The following PIK3C2A variants were observed in gnomAD, a reference collection of about 807,000 sequenced individuals.
PIK3C2A encodes phosphatidylinositol 4-phosphate 3-kinase C2 domain-containing subunit alpha.
In PIK3C2A, 97 loss-of-function variants were observed where a neutral mutation model predicts 204.5. That is an observed-to-expected ratio of 0.47 (90% CI 0.40 to 0.56). PIK3C2A has a LOEUF of 0.56. PIK3C2A is among the 20% of genes least tolerant of loss of function. The pLI is 0.00. For synonymous variants in PIK3C2A, 653 were observed against 664.4 expected (o/e 0.98, Z 0.26); for missense variants, 1,735 against 1,969.2 (o/e 0.88, Z 2.25).
chr11:17,188,075 C>T (rs1255586265), intron 1 of PIK3C2A, among the ~76,000 whole-genome samples: 5 of 152,150 alleles, frequency 3.3e-5, no homozygotes, highest in South Asian at 2.1e-4. Context: ...TGGTGGCTCA[C>T]GCCTGTAATC....
At chr11:17,155,269 C>G (rs1444716229) in intron 3 of PIK3C2A, among the ~76,000 whole-genome samples, 2 of 152,052 alleles carry the variant, frequency 1.3e-5, no homozygotes, top group African/African-American at 4.8e-5. Flanking sequence ...ACAGGTAAGT[C>G]ATATTTTTCA....
intron 28 of PIK3C2A, among the ~76,000 whole-genome samples, chr11:17,093,921 G>C (rs564923216): frequency 2.0e-5 from 3 of 152,084 alleles, no homozygotes; most frequent in Non-Finnish European, 4.4e-5. Context: ...ATAAGCTTGT[G>C]AGCCACCACA....
chr11:17,146,972 A>G (rs1432385970), intron 6 of PIK3C2A, among the ~76,000 whole-genome samples: 1 of 152,220 alleles, frequency 6.6e-6, no homozygotes, highest in Non-Finnish European at 1.5e-5. Context: ...AAGTTCATCA[A>G]GGGTTCACGC....
Position 17,122,940 on chromosome 11 carries a change from T to C in PIK3C2A, c.2400-127A>G, listed in dbSNP as rs1246588119. ...AATAAAAAGGATATCTTTAAGAACA[T>C]ATCAGAAGGATTCACTCTCCACATT... On this transcript the variant is annotated intron_variant, in intron 13 of 32. Transcript: ENST00000691414. 3 of 566,584 alleles carry C rather than the reference T, an allele frequency of 5.3e-6. No individual in the cohort carries two copies. The African/African-American group carries it at 5.8e-5, about 11-fold the overall frequency. 35.1% of individuals were successfully genotyped at this position (566,584 alleles called of 1,614,324 possible).
Position 17,114,079 on chromosome 11 carries a change from A to AT in PIK3C2A, c.3321+281_3321+282insA, listed in dbSNP as rs1849089890. On this transcript the variant is annotated intron_variant, in intron 20 of 32. Coordinates refer to ENST00000691414, the MANE Select transcript of PIK3C2A (RefSeq NM_002645.4). ...TGGGCAAGAGTGAGACTTTGTCTCA[A>AT]AAAATAAATAAATAAATAAATAAAT... Among the ~76,000 whole-genome samples the AT allele has an allele frequency of 4.0e-5, 6 of 148,468 alleles. No homozygotes were observed. The South Asian group carries it at 8.6e-4, about 21-fold the overall frequency.
chr11:17,178,092 CAAAAA>C (rs750346823), intron 1 of PIK3C2A, among the ~76,000 whole-genome samples: 2 of 64,134 alleles, frequency 3.1e-5, no homozygotes, highest in Non-Finnish European at 2.6e-5. Context: ...GACTCCATCT[CAAAAA>C]AAAAAAAAAA....
chr11:17,155,487 A>C lies in PIK3C2A; in HGVS notation c.1169+39T>G, dbSNP rs774038172. On this transcript the variant is annotated intron_variant, in intron 3 of 32. Coordinates refer to ENST00000691414, the MANE Select transcript of PIK3C2A (RefSeq NM_002645.4). The stretch of plus-strand genomic sequence containing the variant: ...TTAGCACTAAACTGGTTTTCAAGTG[A>C]ATTTTTCAAATGAACATTTATAAAG... 3 of 1,205,314 alleles carry C rather than the reference A, an allele frequency of 2.5e-6. No homozygotes were observed. In the African/African-American group the frequency reaches 4.5e-5, roughly 18 times the overall value. 74.7% of individuals were successfully genotyped at this position (1,205,314 alleles called of 1,614,324 possible).
intron 6 of PIK3C2A, 22 bp from the exon 7 acceptor site, chr11:17,145,964 A>T (rs1402265085): frequency 6.4e-7 from 1 of 1,550,862 alleles, no homozygotes; most frequent in Non-Finnish European, 8.9e-7. Context: ...CATATACACA[A>T]AAAAATCACA....
At chr11:17,139,492 A>G (rs1188983842) in intron 8 of PIK3C2A, among the ~76,000 whole-genome samples, 1 of 151,154 alleles carries the variant, frequency 6.6e-6, no homozygotes, top group Non-Finnish European at 1.5e-5. Context: ...CTAAAGTGCT[A>G]GGATTACAGG....
chr11:17,098,001 G>C (rs973555791), intron 26 of PIK3C2A, among the ~76,000 whole-genome samples: 2 of 152,178 alleles, frequency 1.3e-5, no homozygotes, highest in African/African-American at 4.8e-5. Context: ...GTAGAATTCA[G>C]TGTCAGACTC....
intron 13 of PIK3C2A, among the ~76,000 whole-genome samples, chr11:17,123,779 C>T (rs1849437629): frequency 6.6e-6 from 1 of 152,124 alleles, no homozygotes; most frequent in Non-Finnish European, 1.5e-5. Context: ...AAGCAATGGG[C>T]CAAGTATGCT....
At chr11:17,157,459 C>CA (rs11387654) in intron 2 of PIK3C2A, among the ~76,000 whole-genome samples, 70,327 of 99,734 alleles carry the variant, frequency 0.71, 24,297 homozygotes, top group African/African-American at 0.84. Flanking sequence ...GACTCTGTCT[C>CA]AAAAAAAAAA....
In PIK3C2A at chr11:17,136,575, A is replaced by AC; in HGVS notation, c.1754dup (p.Cys585TrpfsTer2). On this transcript the variant is annotated frameshift_variant, in exon 9 of 33. Transcript: ENST00000691414. LOFTEE classifies it high-confidence loss of function. ...GAGTCTCGACACCATCTAAAGCACT[A>AC]CAGATTTTTCTTACAGCTTTAATTA... is the stretch of plus-strand genomic sequence containing the variant. The AC allele has an allele frequency of 6.3e-7, 1 of 1,596,372 alleles. No homozygotes were observed. Among genetic ancestry groups the AC allele is most frequent in the Non-Finnish European group, 8.6e-7 (1 of 1,164,996 alleles).
At chr11:17,115,372 GAAAAAAAAAAA>G (rs58726258) in intron 19 of PIK3C2A, among the ~76,000 whole-genome samples, 1 of 84,646 alleles carries the variant, frequency 1.2e-5, no homozygotes, top group Non-Finnish European at 2.3e-5. Flanking sequence ...GTCCCTACAA[GAAAAAAAAAAA>G]AAAAAAAAAA....
At position 17,091,585 on chromosome 11, in the gene PIK3C2A, C is replaced by G. The variant is rs1193418255; in HGVS notation, c.4714G>C (p.Gly1572Arg). The part of the protein sequence containing the change: ...AVKLSISYRN[G>R]TLFIMVMHIK... ...TGCATCACCATGATGAAAAGAGTAC[C>G]ATTTCGGTAAGAGATGGATAATTTC... The change falls in exon 31 of 33, where the codon GGT (glycine) becomes CGT (arginine). Residue 1572 changes from glycine (G) to arginine (R), a missense_variant. By Grantham distance (125) the Gly-to-Arg change is moderately radical (BLOSUM62 -2). Coordinates refer to ENST00000691414, the MANE Select transcript of PIK3C2A (RefSeq NM_002645.4). 6.2e-7 allele frequency: 1 copy of G among 1,613,404 alleles called. No homozygotes were observed. The highest frequency in any genetic ancestry group is 8.5e-7 in the Non-Finnish European group (1 of 1,179,448).
At chr11:17,119,532 A>T (rs1370822670) in intron 16 of PIK3C2A, among the ~76,000 whole-genome samples, 1 of 152,204 alleles carries the variant, frequency 6.6e-6, no homozygotes. Context: ...ATGAAAATTA[A>T]TTCTGGCCCA....
chr11:17,095,586 G>A (rs186938815), intron 27 of PIK3C2A, among the ~76,000 whole-genome samples: 494 of 144,906 alleles, frequency 3.4e-3, no homozygotes, highest in Middle Eastern at 0.013. Context: ...GCAAGACTCC[G>A]TCTCAAAAAA....
intron 8 of PIK3C2A, among the ~76,000 whole-genome samples, chr11:17,137,488 CA>C (rs1849913403): frequency 7.2e-6 from 1 of 138,090 alleles, no homozygotes; most frequent in Admixed American, 8.4e-5. Context: ...GATCTTGGCT[CA>C]CTGCAACCTC....
At chr11:17,179,153 C>T (rs542099753) in intron 1 of PIK3C2A, among the ~76,000 whole-genome samples, 2 of 152,132 alleles carry the variant, frequency 1.3e-5, no homozygotes, top group East Asian at 1.9e-4. Flanking sequence ...GTGTGAGCCA[C>T]CGCACCTGGC....
Sources: gnomAD v4.1 joint callset for allele counts (sites outside exome capture counted in the v4.1 genomes callset) on GRCh38, gnomAD v4.1.1 for gene constraint, MANE v1.5 for transcripts, NCBI Gene and HGNC (gene_info 2026-07-23, HGNC 2026-07-21) for gene names.